DTNBP1: variants seen among roughly 807,000 people sequenced by gnomAD.
DTNBP1 encodes the protein dystrobrevin binding protein 1.
Under a neutral mutation model 42.8 loss-of-function variants are expected in DTNBP1, and 35 were observed. The observed-to-expected ratio is 0.82, with a 90% CI of 0.63 to 1.09. The LOEUF (loss-of-function observed/expected upper bound fraction) is 1.09. Among genes scored for constraint, DTNBP1 ranks in the 50% least tolerant of loss-of-function variants. The pLI, the probability that DTNBP1 is intolerant of heterozygous loss-of-function variation, is 0.00. For synonymous variants in DTNBP1, 171 were observed against 162.2 expected, an observed-to-expected ratio of 1.05 and a Z score of -0.41; for missense variants, 457 against 424.2, an observed-to-expected ratio of 1.08 and a Z score of -0.68.
At chr6:15,621,231 G>A (rs1759023551) in intron 5 of DTNBP1, among the ~76,000 whole-genome samples, 1 of 152,198 alleles carries the variant, frequency 6.6e-6, no homozygotes. Context: ...CTATGTAATG[G>A]AGCCAACAAT....
chr6:15,576,242 C>T (rs1348731486), intron 7 of DTNBP1, among the ~76,000 whole-genome samples: 2 of 152,068 alleles, frequency 1.3e-5, no homozygotes, highest in Middle Eastern at 3.4e-3. Flanking sequence ...CCTCAGACTC[C>T]CGAGTAGCCG....
At chr6:15,565,557 C>T (rs1316290146) in intron 7 of DTNBP1, among the ~76,000 whole-genome samples, 1 of 152,108 alleles carries the variant, frequency 6.6e-6, no homozygotes, top group African/African-American at 2.4e-5. Flanking sequence ...AAATATTATG[C>T]TAAGTGAAAG....
chr6:15,582,102 T>C (rs1775865704), intron 7 of DTNBP1, among the ~76,000 whole-genome samples: 2 of 152,146 alleles, frequency 1.3e-5, no homozygotes, highest in East Asian at 1.9e-4. Flanking sequence ...GAAATCTCAA[T>C]ATGCTACTTA....
At chr6:15,592,617 G>T (rs1776345294) in intron 7 of DTNBP1, among the ~76,000 whole-genome samples, 1 of 152,160 alleles carries the variant, frequency 6.6e-6, no homozygotes, top group Admixed American at 6.5e-5. Context: ...GCCTGAAAAG[G>T]TAAGAGACTC....
intron 7 of DTNBP1, among the ~76,000 whole-genome samples, chr6:15,550,816 C>G (rs1774172503): frequency 6.6e-6 from 1 of 152,172 alleles, no homozygotes; most frequent in Non-Finnish European, 1.5e-5. Context: ...GCTGGTGTTG[C>G]AGCCCACAGG....
intron 3 of DTNBP1, among the ~76,000 whole-genome samples, chr6:15,643,145 T>C (rs974280309): frequency 6.6e-6 from 1 of 152,202 alleles, no homozygotes; most frequent in Admixed American, 6.5e-5. Flanking sequence ...TTCTAAAATT[T>C]ACTAAAGGAA....
chr6:15,581,191 CT>C (rs1156934131), intron 7 of DTNBP1, among the ~76,000 whole-genome samples: 1 of 152,046 alleles, frequency 6.6e-6, no homozygotes, highest in African/African-American at 2.4e-5. Flanking sequence ...TTTCTGTTTT[CT>C]TTTTTTAGAC....
At chr6:15,542,108 C>T (rs1469552960) in intron 7 of DTNBP1, among the ~76,000 whole-genome samples, 1 of 152,056 alleles carries the variant, frequency 6.6e-6, no homozygotes, top group East Asian at 1.9e-4. Context: ...AAACTAACTT[C>T]AATATTTACA....
intron 7 of DTNBP1, chr6:15,585,975 T>C (rs756847920): frequency 1.8e-5 from 23 of 1,301,916 alleles, no homozygotes; most frequent in Non-Finnish European, 2.1e-5. Flanking sequence ...ACTGCCTCTA[T>C]AAAAGCAAAA....
At chr6:15,535,345 C>T (rs1581709089) in intron 7 of DTNBP1, among the ~76,000 whole-genome samples, 1 of 152,138 alleles carries the variant, frequency 6.6e-6, no homozygotes, top group Non-Finnish European at 1.5e-5. Flanking sequence ...GAGTCTTACT[C>T]TGTTCCCCAA....
intron 3 of DTNBP1, among the ~76,000 whole-genome samples, chr6:15,648,802 A>C (rs914421268): frequency 2.0e-5 from 3 of 152,114 alleles, no homozygotes; most frequent in African/African-American, 7.2e-5. Flanking sequence ...GTTATCTGTA[A>C]TAAGCAAAAT....
At chr6:15,617,534 C>T (rs982699717) in intron 5 of DTNBP1, among the ~76,000 whole-genome samples, 1 of 151,904 alleles carries the variant, frequency 6.6e-6, no homozygotes, top group African/African-American at 2.4e-5. Context: ...CATGCTGGAA[C>T]AGAACAGAGA....
intron 5 of DTNBP1, among the ~76,000 whole-genome samples, chr6:15,620,912 G>A (rs1759006352): frequency 1.3e-5 from 2 of 152,172 alleles, no homozygotes; most frequent in African/African-American, 4.8e-5. Flanking sequence ...GATTAAATGA[G>A]CCGAAGTACC....
At chr6:15,548,086 C>T (rs1773986818) in intron 7 of DTNBP1, among the ~76,000 whole-genome samples, 1 of 152,116 alleles carries the variant, frequency 6.6e-6, no homozygotes, top group Non-Finnish European at 1.5e-5. Flanking sequence ...CAGACTCCAA[C>T]AGTATAACAA....
intron 7 of DTNBP1, among the ~76,000 whole-genome samples, chr6:15,591,622 C>A (rs529007713): frequency 6.6e-6 from 1 of 152,122 alleles, no homozygotes; most frequent in African/African-American, 2.4e-5. Context: ...TTGAATTATT[C>A]TATCGGGTAA....
At chr6:15,551,310 T>C (rs536141632) in intron 7 of DTNBP1, among the ~76,000 whole-genome samples, 1 of 152,308 alleles carries the variant, frequency 6.6e-6, no homozygotes, top group African/African-American at 2.4e-5. Context: ...TGATTCAAAA[T>C]AGTGTTCAGA....
chr6:15,637,806 T>A lies in DTNBP1; in HGVS notation c.162-2A>T, dbSNP rs140124163. On this transcript the variant is annotated splice_acceptor_variant, in intron 3 of 9. Coordinates refer to ENST00000344537, the MANE Select transcript of DTNBP1 (RefSeq NM_032122.5). LOFTEE classifies it high-confidence loss of function. ...AGTGCAGCCCATGTATCCTCATACC[T>A]AAAAAAAAGCAAAAAATAATTTGAA... 1 of 1,611,304 alleles carries A rather than the reference T, an allele frequency of 6.2e-7. No homozygotes were observed. The highest frequency in any genetic ancestry group is 1.3e-5 in the African/African-American group (1 of 74,730).
At chr6:15,537,296 G>A (rs762840652) in intron 7 of DTNBP1, among the ~76,000 whole-genome samples, 2 of 152,046 alleles carry the variant, frequency 1.3e-5, no homozygotes, top group African/African-American at 2.4e-5. Flanking sequence ...GGTGGTGCAT[G>A]CCTGTAATCC....
At chr6:15,624,071 A>G (rs1018799371) in intron 5 of DTNBP1, among the ~76,000 whole-genome samples, 1 of 152,232 alleles carries the variant, frequency 6.6e-6, no homozygotes, top group Non-Finnish European at 1.5e-5. Flanking sequence ...CTGTGTGTCC[A>G]GAGTCTGTAC....
Sources: gnomAD v4.1 joint callset for allele counts (sites outside exome capture counted in the v4.1 genomes callset) on GRCh38, gnomAD v4.1.1 for gene constraint, MANE v1.5 for transcripts, NCBI Gene and HGNC (gene_info 2026-07-23, HGNC 2026-07-21) for gene names.